RAB31: variants seen among roughly 807,000 people sequenced by gnomAD.
RAB31 encodes ras-related protein Rab-31.
A neutral mutation model predicts 25.6 loss-of-function variants in RAB31; 21 were observed. The ratio of observed to expected loss-of-function variants is 0.82; its 90% CI spans 0.58 to 1.18. RAB31 has a LOEUF of 1.18. Ranked by LOEUF, RAB31 falls within the 50% of genes most tolerant of loss-of-function variation. RAB31 has a pLI of 0.00. For missense variants in RAB31, 196 were observed against 250.1 expected (o/e 0.78, Z 1.46); for synonymous variants, 87 against 84.0 (o/e 1.04, Z -0.20).
At chr18:9,775,495 G>A (rs1378670191) in intron 2 of RAB31, 138 bp downstream of exon 2, 4 of 1,453,482 alleles carry the variant, frequency 2.8e-6, no homozygotes, top group Non-Finnish European at 2.8e-6. Context: ...GCTGTAGACC[G>A]ACAGAAATTC....
intron 1 of RAB31, among the ~76,000 whole-genome samples, chr18:9,772,360 A>C (rs561109491): frequency 2.1e-4 from 32 of 152,216 alleles, no homozygotes; most frequent in Non-Finnish European, 4.1e-4. Flanking sequence ...AAGCCTGGGT[A>C]TCAAGGAATG....
chr18:9,827,067 C>T (rs574538201), intron 5 of RAB31, among the ~76,000 whole-genome samples: 33 of 151,930 alleles, frequency 2.2e-4, no homozygotes, highest in Non-Finnish European at 3.5e-4. Flanking sequence ...ATCTTGTTTT[C>T]CTGATTTTGA....
At chr18:9,751,940 C>A (rs79025465) in intron 1 of RAB31, among the ~76,000 whole-genome samples, 3,444 of 152,296 alleles carry the variant, frequency 0.023, 153 homozygotes, top group African/African-American at 0.079. Flanking sequence ...AAGGCAGGAA[C>A]ACAGCTGGGC....
Position 9,748,899 on chromosome 18 carries a change from AT to A in RAB31, c.40-26378del, listed in dbSNP as rs201939606. Among the ~76,000 whole-genome samples the A allele has an allele frequency of 1.2e-3, 187 of 151,916 alleles. 4 individuals are homozygous for A. The East Asian group carries it at 0.026, about 21-fold the overall frequency. The stretch of plus-strand genomic sequence containing the variant: ...GAGCGAGACTCTGTCTCAAAAAAAA[AT>A]AATAATAAAAATAAATATAAGAAAT... On this transcript the variant is annotated intron_variant, in intron 1 of 6. Transcript: ENST00000578921.
intron 1 of RAB31, among the ~76,000 whole-genome samples, chr18:9,746,221 A>T (rs182014183): frequency 6.6e-6 from 1 of 152,374 alleles, no homozygotes; most frequent in Non-Finnish European, 1.5e-5. Context: ...TGAAAAACAT[A>T]TACAATGAAA....
rs138551708 is a variant in RAB31, at chr18:9,853,073, G to A, written c.491-6155G>A. ...AATTTTACCCATTTTGTAATGGGTCGTTTGTCTTCTTATTGTTGAGTTCTA... is the reference window on the plus strand; with the variant it reads ...AATTTTACCCATTTTGTAATGGGTCATTTGTCTTCTTATTGTTGAGTTCTA... On this transcript the variant is annotated intron_variant, in intron 6 of 6. Coordinates refer to ENST00000578921, the MANE Select transcript of RAB31 (RefSeq NM_006868.4). Among the ~76,000 whole-genome samples, 652 of 152,136 alleles carry A rather than the reference G, an allele frequency of 4.3e-3. 6 individuals are homozygous for A. Among genetic ancestry groups the A allele is most frequent in the African/African-American group, 0.015 (618 of 41,506 alleles).
At chr18:9,787,944 A>G (rs896936621) in intron 2 of RAB31, 5 of 152,264 alleles carry the variant, frequency 3.3e-5, no homozygotes, top group African/African-American at 9.6e-5. Flanking sequence ...TAGTTCTCCA[A>G]GATTAACTTT....
chr18:9,822,108 C>T (rs545065677), intron 5 of RAB31, among the ~76,000 whole-genome samples: 12 of 152,190 alleles, frequency 7.9e-5, no homozygotes, highest in Admixed American at 4.6e-4. Context: ...GGCAGTGAGA[C>T]GGATGCATAG....
chr18:9,739,984 C>T (rs1034978665), intron 1 of RAB31, among the ~76,000 whole-genome samples: 1 of 152,212 alleles, frequency 6.6e-6, no homozygotes, highest in Non-Finnish European at 1.5e-5. Context: ...GTTGTGTCTT[C>T]CTTGGCTAGA....
intron 5 of RAB31, among the ~76,000 whole-genome samples, chr18:9,835,433 C>A (rs1178447362): frequency 1.3e-5 from 2 of 152,210 alleles, no homozygotes; most frequent in African/African-American, 2.4e-5. Flanking sequence ...CCCTAGAGAA[C>A]CTGTTTTCTG....
At chr18:9,764,961 CTTTT>C (rs111628952) in intron 1 of RAB31, among the ~76,000 whole-genome samples, 2 of 140,676 alleles carry the variant, frequency 1.4e-5, no homozygotes, top group East Asian at 2.2e-4. Flanking sequence ...TTCTTTCTTT[CTTTT>C]TTTTTTGGAG....
intron 1 of RAB31, among the ~76,000 whole-genome samples, chr18:9,711,890 G>T (rs1220205711): frequency 6.6e-6 from 1 of 152,256 alleles, no homozygotes; most frequent in Non-Finnish European, 1.5e-5. Context: ...ACTGTGCTCA[G>T]TGGGGACTTG....
At chr18:9,838,890 G>A (rs1157817780) in intron 5 of RAB31, among the ~76,000 whole-genome samples, 1 of 152,136 alleles carries the variant, frequency 6.6e-6, no homozygotes, top group Non-Finnish European at 1.5e-5. Flanking sequence ...TTTTCCAGTT[G>A]ACTCTCAGCA....
rs569526351 is a variant in RAB31, at chr18:9,768,168, T to C, written c.40-7110T>C. ...TGAACAGTGCTGCAATAAACATACGTGTGCATGTGTCTTTATAGTAGAATG... is the reference window on the plus strand; with the variant it reads ...TGAACAGTGCTGCAATAAACATACGCGTGCATGTGTCTTTATAGTAGAATG... On this transcript the variant is annotated intron_variant, in intron 1 of 6. Transcript: ENST00000578921. Among the ~76,000 whole-genome samples, 5 of 152,340 alleles carry C rather than the reference T, an allele frequency of 3.3e-5. No individual in the cohort carries two copies. In the East Asian group the frequency reaches 9.6e-4, roughly 29 times the overall value.
At chr18:9,732,580 C>T (rs1451844544) in intron 1 of RAB31, among the ~76,000 whole-genome samples, 2 of 152,222 alleles carry the variant, frequency 1.3e-5, no homozygotes, top group Non-Finnish European at 1.5e-5. Context: ...CCATGCTCTC[C>T]ACCACAGCCG....
intron 3 of RAB31, among the ~76,000 whole-genome samples, chr18:9,798,856 G>A (rs2068499934): frequency 6.6e-6 from 1 of 152,032 alleles, no homozygotes; most frequent in Non-Finnish European, 1.5e-5. Flanking sequence ...TTGGGAGGCC[G>A]AGGCGGGCAG....
chr18:9,841,160 G>C (rs1478265931), intron 5 of RAB31, among the ~76,000 whole-genome samples: 2 of 151,970 alleles, frequency 1.3e-5, no homozygotes, highest in Non-Finnish European at 2.9e-5. Flanking sequence ...ATGAACTCCT[G>C]ATCTGGAGCG....
chr18:9,853,819 AT>A (rs887691033), intron 6 of RAB31, among the ~76,000 whole-genome samples: 1 of 152,064 alleles, frequency 6.6e-6, no homozygotes, highest in African/African-American at 2.4e-5. Flanking sequence ...TTTTCACTCA[AT>A]TTTTTTCCAT....
In RAB31 at chr18:9,814,990, T is replaced by C. The variant is rs926346042; in HGVS notation, c.274-126T>C. The C allele has an allele frequency of 9.3e-6, 6 of 643,500 alleles. No homozygotes were observed. The African/African-American group carries it at 1.1e-4, about 12-fold the overall frequency. 39.9% of individuals were successfully genotyped at this position (643,500 alleles called of 1,614,324 possible). On this transcript the variant is annotated intron_variant, in intron 4 of 6. Coordinates refer to ENST00000578921, the MANE Select transcript of RAB31 (RefSeq NM_006868.4). The stretch of plus-strand genomic sequence containing the variant: ...CTTTTGTGCCTAGACAGAGGTAGTA[T>C]GTTAATCTGCATGAGTCTCCTAAAA...
Sources: gnomAD v4.1 joint callset for allele counts (sites outside exome capture counted in the v4.1 genomes callset) on GRCh38, gnomAD v4.1.1 for gene constraint, MANE v1.5 for transcripts, NCBI Gene and HGNC (gene_info 2026-07-23, HGNC 2026-07-21) for gene names.